Variants in ACAT2 observed in about 807,000 individuals in gnomAD.
ACAT2 encodes the protein acetyl-CoA acetyltransferase, cytosolic.
ACAT2 carries 26 observed loss-of-function variants against 37.1 expected under a neutral mutation model. The ratio of observed to expected loss-of-function variants is 0.70; its 90% CI spans 0.51 to 0.97. ACAT2 has a LOEUF of 0.97. ACAT2 is among the 50% of genes least tolerant of loss of function. The pLI is 0.00. For synonymous variants in ACAT2, 156 were observed against 163.6 expected (o/e 0.95, Z 0.35); for missense variants, 468 against 489.0 (o/e 0.96, Z 0.40).
In ACAT2 at chr6:159,778,277, G is replaced by A. The variant is rs746137981; in HGVS notation, c.1020G>A (p.Glu340=). 1.6e-5 allele frequency: 26 copies of A among 1,596,526 alleles called. No homozygotes were observed. In the East Asian group the frequency reaches 5.8e-4, roughly 36 times the overall value. ...AIVKELGLNP[E]KVNIEGGAIA... The stretch of plus-strand genomic sequence containing the variant: ...TTAAAGAACTTGGATTAAACCCAGA[G>A]AAGGTAAAGATGCACAAGTAACCCT... Residue 340 remains glutamate (E), a synonymous_variant, in exon 8 of 9, where the codon GAG becomes GAA. Coordinates refer to ENST00000367048, the MANE Select transcript of ACAT2 (RefSeq NM_005891.3).
intron 2 of ACAT2, among the ~76,000 whole-genome samples, chr6:159,764,343 G>A (rs1301103488): frequency 6.6e-6 from 1 of 151,984 alleles, no homozygotes; most frequent in African/African-American, 2.4e-5. Flanking sequence ...CTTGCAAATG[G>A]GGCATATCAC....
In ACAT2 at chr6:159,778,737, C is replaced by A. The variant is rs1443446432; in HGVS notation, c.1102C>A (p.His368Asn). The change falls in exon 9 of 9, where the codon CAC becomes AAC. Residue 368 changes from histidine (H) to asparagine (N), a missense_variant. By Grantham distance (68) the His-to-Asn change is moderately conservative. Coordinates refer to ENST00000367048, the MANE Select transcript of ACAT2 (RefSeq NM_005891.3). ...SGCRILVTLL[H>N]TLERMGRSRG... ...CTGTCGAATTCTTGTGACCCTGTTACACACACTGGAGAGAATGGGCAGAAG... is the reference window on the plus strand; with the variant it reads ...CTGTCGAATTCTTGTGACCCTGTTAAACACACTGGAGAGAATGGGCAGAAG... 2.5e-6 allele frequency: 4 copies of A among 1,614,230 alleles called. No homozygotes were observed. The highest frequency in any genetic ancestry group is 3.4e-6 in the Non-Finnish European group (4 of 1,180,038).
At position 159,762,084 on chromosome 6, in the gene ACAT2, C is replaced by T; in HGVS notation, c.-4C>T. Reference sequence around the variant, plus strand: ...GCAGGGCAGACGGCGGCAGGAGAAGCAAGATGAATGCAGGCTCAGATCCTG... The same window carrying T: ...GCAGGGCAGACGGCGGCAGGAGAAGTAAGATGAATGCAGGCTCAGATCCTG... On this transcript the variant is annotated 5_prime_UTR_variant, in exon 1 of 9. Coordinates refer to ENST00000367048, the MANE Select transcript of ACAT2 (RefSeq NM_005891.3). 6.2e-7 allele frequency: 1 copy of T among 1,613,022 alleles called. No individual in the cohort carries two copies. Among genetic ancestry groups the T allele is most frequent in the Non-Finnish European group, 8.5e-7 (1 of 1,179,518 alleles).
At chr6:159,777,695 CCT>C (rs1780449579) in intron 7 of ACAT2, among the ~76,000 whole-genome samples, 1 of 152,194 alleles carries the variant, frequency 6.6e-6, no homozygotes, top group South Asian at 2.1e-4. Context: ...CCTCCCATTA[CCT>C]CGAACTACAG....
intron 4 of ACAT2, among the ~76,000 whole-genome samples, chr6:159,772,493 G>T (rs1422381206): frequency 6.6e-6 from 1 of 152,142 alleles, no homozygotes. Flanking sequence ...TCAACAAATG[G>T]TGCTGGAATA....
Position 159,762,103 on chromosome 6 carries a change from G to A in ACAT2, c.16G>A (p.Asp6Asn). 6.2e-7 allele frequency: 1 copy of A among 1,613,402 alleles called. No homozygotes were observed. The highest frequency in any genetic ancestry group is 8.5e-7 in the Non-Finnish European group (1 of 1,179,652). The part of the protein sequence containing the change: MNAGS[D>N]PVVIVSAART... ...GAGAAGCAAGATGAATGCAGGCTCA[G>A]ATCCTGTGGTCATCGTCTCGGCGGC... is the stretch of plus-strand genomic sequence containing the variant. Residue 6 changes from aspartate to asparagine, a missense_variant, in exon 1 of 9, where the codon GAT becomes AAT. Transcript: ENST00000367048.
chr6:159,770,168 A>G (rs1780313430), intron 4 of ACAT2, among the ~76,000 whole-genome samples: 1 of 152,240 alleles, frequency 6.6e-6, no homozygotes, highest in South Asian at 2.1e-4. Context: ...CTGCTTGTGG[A>G]AACAAAACTC....
At chr6:159,778,424 TA>T (rs1162214335) in intron 8 of ACAT2, 144 bp downstream of exon 8, 10,512 of 81,282 alleles carry the variant, frequency 0.13, 75 homozygotes, top group Non-Finnish European at 0.15. Context: ...TCCCAAGGTT[TA>T]AAAAAAAAAA....
At chr6:159,771,263 C>G (rs530035517) in intron 4 of ACAT2, among the ~76,000 whole-genome samples, 1 of 152,134 alleles carries the variant, frequency 6.6e-6, no homozygotes, top group East Asian at 1.9e-4. Flanking sequence ...GCCTGTAATC[C>G]CAGCTACTCG....
intron 4 of ACAT2, 71 bp downstream of exon 4, chr6:159,768,699 T>G (rs949033437): frequency 9.1e-7 from 1 of 1,095,392 alleles, no homozygotes; most frequent in Non-Finnish European, 1.4e-6. Flanking sequence ...ATCTGCTTCT[T>G]AGGTGCTTTC....
rs1562474546 is a variant in ACAT2 at position 159,763,128 on chromosome 6, TCACACA to T, written c.190+77_190+82del. ...TAAACACACACACACACACACACTCTCACACACTCACACACTCTCTCACTCACTCAA... is the reference window on the plus strand; with the variant it reads ...TAAACACACACACACACACACACTCTCTCACACACTCTCTCACTCACTCAA... On this transcript the variant is annotated intron_variant, in intron 2 of 8. Transcript: ENST00000367048. 313 of 1,403,900 alleles carry T rather than the reference TCACACA, an allele frequency of 2.2e-4. No homozygotes were observed. The African/African-American group carries it at 3.9e-3, about 17-fold the overall frequency. The allele number at this position is 1,403,900 out of a possible 1,614,324, so 87.0% of individuals were successfully genotyped here.
At chr6:159,770,085 G>T (rs1299412657) in intron 4 of ACAT2, among the ~76,000 whole-genome samples, 1 of 152,192 alleles carries the variant, frequency 6.6e-6, no homozygotes. Context: ...TAGAGTAAAA[G>T]CTACTCTAGA....
intron 7 of ACAT2, 91 bp from the exon 8 acceptor site, chr6:159,778,079 C>A: frequency 1.2e-6 from 1 of 808,098 alleles, no homozygotes; most frequent in Non-Finnish European, 2.0e-6. Context: ...TTACCAGTAT[C>A]ATGCAGCATA....
chr6:159,764,570 G>T (rs1346492024), intron 2 of ACAT2, among the ~76,000 whole-genome samples: 3 of 152,066 alleles, frequency 2.0e-5, no homozygotes, highest in African/African-American at 7.2e-5. Flanking sequence ...TCAGCCTCTG[G>T]AGTAGCTGGG....
chr6:159,763,378 C>A (rs1780191111), intron 2 of ACAT2, among the ~76,000 whole-genome samples: 1 of 151,968 alleles, frequency 6.6e-6, no homozygotes, highest in Admixed American at 6.6e-5. Context: ...CAAAGCAAGA[C>A]CCCGTCTCTA....
At chr6:159,763,974 G>A (rs1363555608) in intron 2 of ACAT2, among the ~76,000 whole-genome samples, 3 of 151,216 alleles carry the variant, frequency 2.0e-5, no homozygotes, top group Non-Finnish European at 4.4e-5. Context: ...GGTGGCGGGC[G>A]CCTGTATTCC....
intron 4 of ACAT2, among the ~76,000 whole-genome samples, chr6:159,774,822 G>A (rs888034102): frequency 2.6e-5 from 4 of 152,194 alleles, no homozygotes; most frequent in Non-Finnish European, 4.4e-5. Context: ...TAAAATTTAA[G>A]AGTAAGAAGG....
At chr6:159,767,837 C>T (rs978184386) in intron 3 of ACAT2, among the ~76,000 whole-genome samples, 1 of 152,170 alleles carries the variant, frequency 6.6e-6, no homozygotes, top group African/African-American at 2.4e-5. Context: ...CAAAAATAAT[C>T]GGAGTGATTT....
chr6:159,775,860 A>ACC (rs1215582234), intron 5 of ACAT2: 1 of 330,246 alleles, frequency 3.0e-6, no homozygotes, highest in Non-Finnish European at 5.6e-6. Context: ...AAGTACTATG[A>ACC]CCCAAACTAT....
Sources: allele counts gnomAD v4.1 joint callset (sites outside exome capture counted in the v4.1 genomes callset), GRCh38; gene constraint gnomAD v4.1.1; transcripts MANE v1.5; gene names NCBI Gene and HGNC (gene_info 2026-07-23, HGNC 2026-07-21).